The following KAZN variants were observed in gnomAD, a reference collection of about 807,000 sequenced individuals.
The protein encoded by KAZN is kazrin.
Under a neutral mutation model 87.4 loss-of-function variants are expected in KAZN, and 40 were observed. That is an observed-to-expected ratio of 0.46 (90% CI 0.36 to 0.60). The LOEUF is 0.60. KAZN is among the 20% of genes least tolerant of loss of function. The pLI is 0.00. For synonymous variants in KAZN, 466 were observed against 458.3 expected, an observed-to-expected ratio of 1.02 and a Z score of -0.22; for missense variants, 898 against 1,073.9, an observed-to-expected ratio of 0.84 and a Z score of 2.29.
At chr1:14,284,073 T>C (rs901884337) in intron 2 of KAZN, among the ~76,000 whole-genome samples, 1 of 148,330 alleles carries the variant, frequency 6.7e-6, no homozygotes, top group African/African-American at 2.5e-5. Context: ...ATAGAGAAAA[T>C]AGATCAGTAA....
chr1:13,942,595 A>G (rs1640982374), intron 1 of KAZN, among the ~76,000 whole-genome samples: 1 of 149,998 alleles, frequency 6.7e-6, no homozygotes, highest in African/African-American at 2.5e-5. Context: ...ATTCACCAAC[A>G]CCTCAAATTC....
chr1:14,864,925 AG>A (rs1223723464), intron 1 of KAZN, among the ~76,000 whole-genome samples: 1 of 152,160 alleles, frequency 6.6e-6, no homozygotes, highest in African/African-American at 2.4e-5. Flanking sequence ...GCATGAAAAA[AG>A]CTCAGACCAG....
chr1:14,610,995 AC>A (rs1263016537), intron 1 of KAZN, among the ~76,000 whole-genome samples: 4 of 152,224 alleles, frequency 2.6e-5, no homozygotes, highest in Non-Finnish European at 5.9e-5. Context: ...AACTGCCTGG[AC>A]AGCAAGTGGT....
chr1:14,880,086 G>C (rs1481071254), intron 1 of KAZN, among the ~76,000 whole-genome samples: 1 of 152,174 alleles, frequency 6.6e-6, no homozygotes. Flanking sequence ...TTTGGCTTTA[G>C]GATGAGGTTC....
intron 2 of KAZN, among the ~76,000 whole-genome samples, chr1:14,443,704 C>G (rs1202110061): frequency 6.6e-6 from 1 of 152,178 alleles, no homozygotes; most frequent in Non-Finnish European, 1.5e-5. Flanking sequence ...TCGAGCCTCC[C>G]ACAGGGATGT....
chr1:14,097,314 G>A (rs945901022), intron 1 of KAZN, among the ~76,000 whole-genome samples: 10 of 152,200 alleles, frequency 6.6e-5, no homozygotes, highest in East Asian at 1.9e-4. Context: ...CAGGTGAGAA[G>A]TCACACTGGC....
At chr1:14,187,643 G>A (rs12402762) in intron 2 of KAZN, among the ~76,000 whole-genome samples, 1,778 of 152,262 alleles carry the variant, frequency 0.012, 94 homozygotes, top group Admixed American at 0.097. Context: ...TGTCCTGACT[G>A]GCAGGGGGTG....
chr1:14,287,193 C>G (rs750524214), intron 2 of KAZN, among the ~76,000 whole-genome samples: 1 of 152,086 alleles, frequency 6.6e-6, no homozygotes, highest in Non-Finnish European at 1.5e-5. Context: ...ACCTTGACAC[C>G]GTTTTACATT....
chr1:13,941,097 G>A (rs111909520), intron 1 of KAZN, among the ~76,000 whole-genome samples: 4,625 of 152,200 alleles, frequency 0.03, 218 homozygotes, highest in African/African-American at 0.11. Context: ...GGGAGGCTGA[G>A]GGGGAGAGAA....
chr1:15,067,375 C>T (rs991304690), intron 8 of KAZN: 3 of 985,456 alleles, frequency 3.0e-6, no homozygotes, highest in East Asian at 1.1e-4. Flanking sequence ...TGGGGGGTGG[C>T]GTTGGCCCCA....
chr1:14,068,983 G>A (rs931745098), intron 1 of KAZN, among the ~76,000 whole-genome samples: 4 of 152,086 alleles, frequency 2.6e-5, no homozygotes, highest in African/African-American at 9.7e-5. Flanking sequence ...ATTTTTAGTA[G>A]AGATGGGGTA....
At chr1:14,831,577 A>C (rs1351290242) in intron 1 of KAZN, among the ~76,000 whole-genome samples, 1 of 152,220 alleles carries the variant, frequency 6.6e-6, no homozygotes, top group Non-Finnish European at 1.5e-5. Context: ...CCATGAAGGC[A>C]TTGATTTATT....
intron 2 of KAZN, among the ~76,000 whole-genome samples, chr1:14,383,879 G>C (rs1050825927): frequency 1.3e-5 from 2 of 151,928 alleles, no homozygotes; most frequent in African/African-American, 4.8e-5. Flanking sequence ...GATGGGGATG[G>C]CATTGAATCT....
chr1:13,901,845 G>T (rs112170322), intron 1 of KAZN, among the ~76,000 whole-genome samples: 1 of 152,218 alleles, frequency 6.6e-6, no homozygotes, highest in Non-Finnish European at 1.5e-5. Context: ...TGCCTAGCTT[G>T]TTGTACGATG....
chr1:14,626,871 A>G (rs141765366), intron 1 of KAZN, among the ~76,000 whole-genome samples: 6 of 152,232 alleles, frequency 3.9e-5, no homozygotes, highest in Admixed American at 1.3e-4. Context: ...TTTCATGCAA[A>G]AAAACATTCC....
At chr1:14,983,242 C>T (rs990868094) in intron 2 of KAZN, among the ~76,000 whole-genome samples, 2 of 152,178 alleles carry the variant, frequency 1.3e-5, no homozygotes, top group African/African-American at 4.8e-5. Flanking sequence ...GCTGTACACC[C>T]CCTACCTCCA....
intron 1 of KAZN, among the ~76,000 whole-genome samples, chr1:14,047,363 T>C (rs1466270816): frequency 6.6e-6 from 1 of 152,202 alleles, no homozygotes; most frequent in Non-Finnish European, 1.5e-5. Context: ...TCCCAAATAT[T>C]GATCTGGGTC....
chr1:14,782,622 C>T (rs1452082981), intron 1 of KAZN, among the ~76,000 whole-genome samples: 1 of 149,722 alleles, frequency 6.7e-6, no homozygotes, highest in Non-Finnish European at 1.5e-5. Context: ...TTGGACCATG[C>T]TTAAAGTGTG....
At chr1:14,564,207 C>T (rs534341835) in intron 2 of KAZN, among the ~76,000 whole-genome samples, 4 of 152,238 alleles carry the variant, frequency 2.6e-5, no homozygotes, top group African/African-American at 9.6e-5. Flanking sequence ...TTTCATTCTA[C>T]AATGTTCCCT....
Sources: allele counts gnomAD v4.1 joint callset (sites outside exome capture counted in the v4.1 genomes callset), GRCh38; gene constraint gnomAD v4.1.1; transcripts MANE v1.5; gene names NCBI Gene and HGNC (gene_info 2026-07-23, HGNC 2026-07-21).